Variants in LRMDA observed in about 807,000 individuals in gnomAD.
LRMDA encodes the protein leucine-rich melanocyte differentiation-associated protein.
Under a neutral mutation model 29.8 loss-of-function variants are expected in LRMDA, and 18 were observed. The ratio of observed to expected loss-of-function variants is 0.60; its 90% CI spans 0.42 to 0.90. The LOEUF is 0.90. Ranked by LOEUF, LRMDA falls within the 40% of genes least tolerant of loss-of-function variation. The pLI is 0.00. For missense variants in LRMDA, 273 were observed against 273.9 expected (o/e 1.00, Z 0.02); for synonymous variants, 125 against 109.4 (o/e 1.14, Z -0.89).
chr10:76,202,189 T>G (rs78415791), intron 5 of LRMDA, among the ~76,000 whole-genome samples: 3,989 of 152,248 alleles, frequency 0.026, 76 homozygotes, highest in East Asian at 0.073. Flanking sequence ...AGGGATTGTT[T>G]TGGCGAGAAA....
intron 2 of LRMDA, among the ~76,000 whole-genome samples, chr10:75,757,448 G>A (rs892191338): frequency 6.6e-6 from 1 of 152,192 alleles, no homozygotes; most frequent in Non-Finnish European, 1.5e-5. Flanking sequence ...TCCAGGAGTT[G>A]AAGAAGTGGG....
chr10:75,488,566 G>GT (rs1322069510), intron 2 of LRMDA, among the ~76,000 whole-genome samples: 2 of 152,096 alleles, frequency 1.3e-5, no homozygotes, highest in African/African-American at 4.8e-5. Context: ...AGGATAAAAA[G>GT]TTAGCATTGT....
In LRMDA at chr10:76,011,133, A is replaced by T. The variant is rs551765177; in HGVS notation, c.132-24875A>T. The stretch of plus-strand genomic sequence containing the variant: ...TCAGTGTTAACTTTTTTTTAGGAGG[A>T]TGGGGTAGAGAGTGGATATATTTTT... On this transcript the variant is annotated intron_variant, in intron 2 of 6. Transcript: ENST00000611255. Among the ~76,000 whole-genome samples the T allele has an allele frequency of 3.9e-5, 6 of 152,066 alleles. No homozygotes were observed. The East Asian group carries it at 1.2e-3, about 29-fold the overall frequency.
At chr10:75,955,276 G>A (rs1363079038) in intron 2 of LRMDA, among the ~76,000 whole-genome samples, 1 of 152,152 alleles carries the variant, frequency 6.6e-6, no homozygotes, top group Admixed American at 6.5e-5. Context: ...GTAAGAGAAA[G>A]GACTGAATGC....
At chr10:75,531,096 G>C (rs1162440610) in intron 2 of LRMDA, among the ~76,000 whole-genome samples, 1 of 152,202 alleles carries the variant, frequency 6.6e-6, no homozygotes, top group East Asian at 1.9e-4. Flanking sequence ...TCTCTTGAGT[G>C]TCTGTGTGTG....
At chr10:76,088,963 C>A (rs1293873954) in intron 5 of LRMDA, among the ~76,000 whole-genome samples, 4 of 152,122 alleles carry the variant, frequency 2.6e-5, no homozygotes, top group African/African-American at 7.2e-5. Context: ...CAATTCTGTC[C>A]GTGTGATTAA....
At chr10:76,485,228 G>T (rs1289551800) in intron 6 of LRMDA, among the ~76,000 whole-genome samples, 2 of 151,132 alleles carry the variant, frequency 1.3e-5, no homozygotes, top group African/African-American at 4.9e-5. Flanking sequence ...CTCTTTTTCT[G>T]CCTGCCCTAT....
intron 2 of LRMDA, among the ~76,000 whole-genome samples, chr10:75,496,065 G>A (rs1279747298): frequency 2.0e-5 from 3 of 152,234 alleles, no homozygotes; most frequent in Non-Finnish European, 2.9e-5. Context: ...AGGGTAGTCT[G>A]AGCAGATAAT....
At chr10:75,981,153 A>C (rs996206005) in intron 2 of LRMDA, among the ~76,000 whole-genome samples, 1 of 152,210 alleles carries the variant, frequency 6.6e-6, no homozygotes, top group African/African-American at 2.4e-5. Flanking sequence ...ACTATTTCAC[A>C]TGTTACTTTC....
chr10:75,740,905 C>T (rs1842820697), intron 2 of LRMDA, among the ~76,000 whole-genome samples: 1 of 151,720 alleles, frequency 6.6e-6, no homozygotes, highest in Non-Finnish European at 1.5e-5. Flanking sequence ...CTTTTAGAAG[C>T]CTGTCATTCA....
intron 5 of LRMDA, among the ~76,000 whole-genome samples, chr10:76,172,282 T>C (rs1589362751): frequency 6.6e-6 from 1 of 152,114 alleles, no homozygotes; most frequent in Non-Finnish European, 1.5e-5. Context: ...ATCCAAACCA[T>C]AGCAAACAGG....
Position 76,313,819 on chromosome 10 carries a change from G to T in LRMDA, c.517-10582G>T, listed in dbSNP as rs781613196. On this transcript the variant is annotated intron_variant, in intron 5 of 6. Coordinates refer to ENST00000611255, the MANE Select transcript of LRMDA (RefSeq NM_001305581.2). Reference sequence around the variant, plus strand: ...AAAAATTCCATACAATCACTTAATTGTCACAGATACTTTCAATGATTTTGG... The same window carrying T: ...AAAAATTCCATACAATCACTTAATTTTCACAGATACTTTCAATGATTTTGG... Among the ~76,000 whole-genome samples, 17 of 151,218 alleles carry T rather than the reference G, an allele frequency of 1.1e-4. No homozygotes were observed. In the Middle Eastern group the frequency reaches 0.01, roughly 91 times the overall value.
intron 2 of LRMDA, among the ~76,000 whole-genome samples, chr10:75,815,668 T>C (rs959851304): frequency 6.6e-6 from 1 of 152,196 alleles, no homozygotes; most frequent in Non-Finnish European, 1.5e-5. Context: ...CCAGAGCCCC[T>C]TTCCACCAGC....
At chr10:75,796,700 T>G (rs958986405) in intron 2 of LRMDA, among the ~76,000 whole-genome samples, 3 of 152,046 alleles carry the variant, frequency 2.0e-5, no homozygotes, top group African/African-American at 7.2e-5. Context: ...AGCCTCCCAG[T>G]TAGCTGAGAT....
intron 2 of LRMDA, among the ~76,000 whole-genome samples, chr10:76,029,570 C>T (rs1848116134): frequency 6.6e-6 from 1 of 152,116 alleles, no homozygotes; most frequent in Non-Finnish European, 1.5e-5. Flanking sequence ...ATTATATAAC[C>T]TCATGTATCC....
intron 2 of LRMDA, among the ~76,000 whole-genome samples, chr10:75,525,144 CT>C (rs1338443950): frequency 1.3e-5 from 2 of 152,228 alleles, no homozygotes; most frequent in African/African-American, 4.8e-5. Flanking sequence ...TGTAGACCAT[CT>C]GTTGGCTATA....
intron 6 of LRMDA, among the ~76,000 whole-genome samples, chr10:76,354,082 AAATTAAGG>A (rs1206609822): frequency 6.6e-6 from 1 of 152,152 alleles, no homozygotes; most frequent in Non-Finnish European, 1.5e-5. Context: ...ATCCCAATGC[AAATTAAGG>A]CTTGGGAAGC....
Position 76,476,147 on chromosome 10 carries a change from C to T in LRMDA, c.602-81062C>T, listed in dbSNP as rs983155405. ...GAAAAGATCAACAAAACTGATAGAC[C>T]GCTAGCAAGACTAATAAAGAATAAA... On this transcript the variant is annotated intron_variant, in intron 6 of 6. Coordinates refer to ENST00000611255, the MANE Select transcript of LRMDA (RefSeq NM_001305581.2). 8.0e-4 allele frequency among the ~76,000 whole-genome samples: 122 copies of T among 151,864 alleles called. 1 individual carries two copies. Among genetic ancestry groups the T allele is most frequent in the Non-Finnish European group, 1.5e-3 (104 of 67,902 alleles).
At chr10:76,113,015 G>C (rs1369249630) in intron 5 of LRMDA, among the ~76,000 whole-genome samples, 4 of 152,178 alleles carry the variant, frequency 2.6e-5, no homozygotes, top group Non-Finnish European at 5.9e-5. Flanking sequence ...TTCCAAACCA[G>C]AGGACTTAAC....
Sources: gnomAD v4.1 joint callset for allele counts (sites outside exome capture counted in the v4.1 genomes callset) on GRCh38, gnomAD v4.1.1 for gene constraint, MANE v1.5 for transcripts, NCBI Gene and HGNC (gene_info 2026-07-23, HGNC 2026-07-21) for gene names.